Variants in NCKAP5 observed in about 807,000 individuals in gnomAD.
NCKAP5 encodes NCK associated protein 5.
A neutral mutation model predicts 167.0 loss-of-function variants in NCKAP5; 92 were observed. The ratio of observed to expected loss-of-function variants is 0.55; its 90% CI spans 0.47 to 0.66. NCKAP5 has a LOEUF of 0.66. Among genes scored for constraint, NCKAP5 ranks in the 30% least tolerant of loss-of-function variants. NCKAP5 has a pLI of 0.00. For missense variants in NCKAP5, 2,378 were observed against 2,315.0 expected, an observed-to-expected ratio of 1.03 and a Z score of -0.56; for synonymous variants, 891 against 877.4, an observed-to-expected ratio of 1.02 and a Z score of -0.27.
intron 3 of NCKAP5, among the ~76,000 whole-genome samples, chr2:133,312,049 C>G (rs1681272551): frequency 6.6e-6 from 1 of 152,118 alleles, no homozygotes; most frequent in Non-Finnish European, 1.5e-5. Flanking sequence ...TCAAAGATTT[C>G]AACACAGTAA....
At chr2:133,328,247 C>T (rs534469569) in intron 3 of NCKAP5, among the ~76,000 whole-genome samples, 2 of 152,226 alleles carry the variant, frequency 1.3e-5, no homozygotes, top group East Asian at 3.9e-4. Context: ...TGTTCTCAGT[C>T]CCCCAAATTC....
At chr2:133,512,474 T>C (rs1041480025) in intron 3 of NCKAP5, among the ~76,000 whole-genome samples, 5 of 152,234 alleles carry the variant, frequency 3.3e-5, no homozygotes, top group African/African-American at 7.2e-5. Flanking sequence ...AAAGTGTTTT[T>C]GTAAATAAAA....
chr2:132,828,189 A>G (rs1487026986), intron 11 of NCKAP5, among the ~76,000 whole-genome samples: 1 of 152,176 alleles, frequency 6.6e-6, no homozygotes. Context: ...GTGAGAAAAT[A>G]CAGTTCTATT....
intron 4 of NCKAP5, among the ~76,000 whole-genome samples, chr2:133,232,718 A>G (rs2087209394): frequency 6.6e-6 from 1 of 152,226 alleles, no homozygotes. Flanking sequence ...AGCACTGATT[A>G]AAGGCAAGCA....
intron 3 of NCKAP5, among the ~76,000 whole-genome samples, chr2:133,319,599 C>A (rs78271315): frequency 0.018 from 2,801 of 152,164 alleles, 67 homozygotes; most frequent in Non-Finnish European, 0.022. Flanking sequence ...GACAGAAATT[C>A]CTTTTTAAAA....
intron 3 of NCKAP5, among the ~76,000 whole-genome samples, chr2:133,408,254 G>A (rs1302155412): frequency 6.6e-6 from 1 of 152,214 alleles, no homozygotes; most frequent in African/African-American, 2.4e-5. Flanking sequence ...GTGTGGCACA[G>A]CTTGTGCTAA....
At chr2:133,389,002 G>A (rs985094793) in intron 3 of NCKAP5, among the ~76,000 whole-genome samples, 10 of 152,290 alleles carry the variant, frequency 6.6e-5, no homozygotes, top group Admixed American at 5.2e-4. Context: ...GTGATGCCTC[G>A]CCCTGCTTTG....
chr2:133,076,244 A>G (rs529602184), intron 6 of NCKAP5, among the ~76,000 whole-genome samples: 42 of 152,280 alleles, frequency 2.8e-4, no homozygotes, highest in African/African-American at 9.6e-4. Flanking sequence ...GTTGGCCTCC[A>G]TATCTGTGGA....
chr2:133,516,846 G>A (rs1446379239), intron 3 of NCKAP5, among the ~76,000 whole-genome samples: 2 of 152,220 alleles, frequency 1.3e-5, no homozygotes, highest in Non-Finnish European at 2.9e-5. Flanking sequence ...ACCCACACAT[G>A]TTGGCCCAGA....
intron 5 of NCKAP5, among the ~76,000 whole-genome samples, chr2:133,180,593 C>G (rs1042100192): frequency 1.3e-5 from 2 of 152,090 alleles, no homozygotes; most frequent in African/African-American, 4.8e-5. Context: ...TCCGCCTTGG[C>G]CTCCCAAAGT....
At chr2:133,342,899 C>T (rs1160539394) in intron 3 of NCKAP5, among the ~76,000 whole-genome samples, 1 of 152,124 alleles carries the variant, frequency 6.6e-6, no homozygotes, top group Admixed American at 6.5e-5. Flanking sequence ...CAGGATGGTG[C>T]AACATCTCTC....
chr2:133,003,142 C>T (rs182815812), intron 6 of NCKAP5, among the ~76,000 whole-genome samples: 98 of 152,318 alleles, frequency 6.4e-4, no homozygotes, highest in African/African-American at 1.7e-3. Context: ...TTACCACTGT[C>T]GGCTCCTGGC....
chr2:133,567,112 C>T (rs6710186), intron 1 of NCKAP5, among the ~76,000 whole-genome samples: 4,476 of 152,142 alleles, frequency 0.029, 108 homozygotes, highest in East Asian at 0.11. Flanking sequence ...GGTTCACATG[C>T]GGAGCTAACA....
intron 3 of NCKAP5, among the ~76,000 whole-genome samples, chr2:133,506,140 C>A (rs1682986453): frequency 6.6e-6 from 1 of 152,218 alleles, no homozygotes; most frequent in Non-Finnish European, 1.5e-5. Flanking sequence ...CAGCATCACA[C>A]AACTTTTATC....
chr2:133,170,011 T>C (rs1274453483), intron 5 of NCKAP5, among the ~76,000 whole-genome samples: 2 of 152,200 alleles, frequency 1.3e-5, no homozygotes, highest in Non-Finnish European at 2.9e-5. Flanking sequence ...GACCCTGACT[T>C]TCAGAACACT....
chr2:133,234,638 C>T (rs1433873927), intron 4 of NCKAP5, among the ~76,000 whole-genome samples: 50 of 152,094 alleles, frequency 3.3e-4, no homozygotes, highest in Non-Finnish European at 1.5e-5. Flanking sequence ...CTTTGACCTC[C>T]ATCTCTCAGT....
chr2:133,510,175 G>A (rs1354297274), intron 3 of NCKAP5, among the ~76,000 whole-genome samples: 1 of 150,222 alleles, frequency 6.7e-6, no homozygotes. Context: ...GCCCAGCAGA[G>A]GGAATGTGCA....
chr2:133,506,439 G>A (rs1334242647), intron 3 of NCKAP5, among the ~76,000 whole-genome samples: 2 of 152,116 alleles, frequency 1.3e-5, no homozygotes, highest in Non-Finnish European at 2.9e-5. Flanking sequence ...CCCTGGTCTG[G>A]GCCCAGAGCA....
intron 3 of NCKAP5, among the ~76,000 whole-genome samples, chr2:133,399,709 T>C (rs1015155475): frequency 2.6e-5 from 4 of 152,192 alleles, no homozygotes; most frequent in African/African-American, 9.6e-5. Flanking sequence ...CATCACATTT[T>C]CAAGTAACTG....
Sources: gnomAD v4.1 joint callset for allele counts (sites outside exome capture counted in the v4.1 genomes callset) on GRCh38, gnomAD v4.1.1 for gene constraint, MANE v1.5 for transcripts, NCBI Gene and HGNC (gene_info 2026-07-23, HGNC 2026-07-21) for gene names.